Variants in SAMD4A observed in about 807,000 individuals in gnomAD.
SAMD4A encodes the protein sterile alpha motif domain containing 4A, also known as protein Smaug homolog 1.
SAMD4A carries 33 observed loss-of-function variants against 81.3 expected under a neutral mutation model. The ratio of observed to expected loss-of-function variants is 0.41; its 90% CI spans 0.31 to 0.54. SAMD4A has a LOEUF of 0.54. Among genes scored for constraint, SAMD4A ranks in the 20% least tolerant of loss-of-function variants. SAMD4A has a pLI of 0.37. For missense variants in SAMD4A, 854 were observed against 951.1 expected (o/e 0.90, Z 1.34); for synonymous variants, 389 against 382.1 (o/e 1.02, Z -0.21).
rs1022371961 is a variant in SAMD4A, at chr14:54,737,268, A to G, written c.960A>G (p.Glu320=). ...DQTTARNTFQ[E]EGSGMKDVPA... ...CCACTGCTCGTAACACATTCCAAGA[A>G]GAAGGTAGTGGGATGAAAGGTGAGT... Residue 320 remains glutamate (E), a synonymous_variant, in exon 4 of 13, where the codon GAA becomes GAG. Transcript: ENST00000554335. 8 of 1,614,050 alleles carry G rather than the reference A, an allele frequency of 5.0e-6. No individual in the cohort carries two copies. The African/African-American group carries it at 8.0e-5, about 16-fold the overall frequency.
chr14:54,775,211 C>G, intron 10 of SAMD4A, 76 bp downstream of exon 10: 2 of 1,567,598 alleles, frequency 1.3e-6, no homozygotes, highest in Non-Finnish European at 1.8e-6. Flanking sequence ...CCAGGTGACC[C>G]CAGGGTGGGG....
intron 2 of SAMD4A, chr14:54,692,913 T>C (rs552780301): frequency 1.4e-5 from 2 of 143,164 alleles, no homozygotes; most frequent in African/African-American, 5.0e-5. Context: ...ATAACAGTCT[T>C]AACCCTGTTG....
chr14:54,771,897 G>T (rs550429477), intron 9 of SAMD4A, among the ~76,000 whole-genome samples: 1 of 152,196 alleles, frequency 6.6e-6, no homozygotes, highest in Admixed American at 6.5e-5. Flanking sequence ...CAGGGGACAT[G>T]AACCTTGACC....
At chr14:54,756,078 C>T (rs1328361938) in intron 6 of SAMD4A, among the ~76,000 whole-genome samples, 4 of 152,162 alleles carry the variant, frequency 2.6e-5, no homozygotes, top group Non-Finnish European at 5.9e-5. Context: ...CCATCAAGTG[C>T]TGCAGAGAAA....
chr14:54,700,229 C>A (rs997944967), intron 2 of SAMD4A, among the ~76,000 whole-genome samples: 1 of 152,092 alleles, frequency 6.6e-6, no homozygotes, highest in African/African-American at 2.4e-5. Context: ...TTATTTAATC[C>A]CACAGCACAT....
intron 3 of SAMD4A, among the ~76,000 whole-genome samples, chr14:54,714,268 G>A (rs758414074): frequency 6.6e-6 from 1 of 152,088 alleles, no homozygotes; most frequent in Non-Finnish European, 1.5e-5. Context: ...TCAGAGCATA[G>A]ACTCTCTAGA....
chr14:54,685,839 G>A (rs747747165), intron 2 of SAMD4A: 1 of 456,602 alleles, frequency 2.2e-6, no homozygotes, highest in Non-Finnish European at 4.4e-6. Flanking sequence ...GTAACATCTG[G>A]AGAAAAAGGA....
intron 2 of SAMD4A, among the ~76,000 whole-genome samples, chr14:54,696,562 G>T (rs986836867): frequency 2.3e-4 from 35 of 152,156 alleles, no homozygotes; most frequent in Non-Finnish European, 4.3e-4. Context: ...GAAAACAAGG[G>T]TATAATAAAA....
At chr14:54,674,735 G>A (rs2035954230) in intron 2 of SAMD4A, among the ~76,000 whole-genome samples, 1 of 152,160 alleles carries the variant, frequency 6.6e-6, no homozygotes, top group Non-Finnish European at 1.5e-5. Context: ...ACTCAAATAA[G>A]TGGGCTAGGG....
At position 54,685,330 on chromosome 14, in the gene SAMD4A, C is replaced by G. The variant is rs76389804; in HGVS notation, c.197-16732C>G. ...TCTGCTTTCTGACTACTCAAGAGAC[C>G]TCATACAAGTGGAGTCATACAGCAT... On this transcript the variant is annotated intron_variant, in intron 2 of 12. Coordinates refer to ENST00000554335, the MANE Select transcript of SAMD4A (RefSeq NM_015589.6). Among the ~76,000 whole-genome samples, 1,091 of 150,324 alleles carry G rather than the reference C, an allele frequency of 7.3e-3. 10 individuals are homozygous for G. Among genetic ancestry groups the G allele is most frequent in the African/African-American group, 0.026 (1,058 of 40,960 alleles).
intron 2 of SAMD4A, among the ~76,000 whole-genome samples, chr14:54,570,646 T>C (rs1233581964): frequency 6.6e-6 from 1 of 152,214 alleles, no homozygotes; most frequent in Non-Finnish European, 1.5e-5. Context: ...AACCCTCAAT[T>C]GACCTTGTAG....
At chr14:54,760,826 A>C (rs1254432905) in intron 7 of SAMD4A, among the ~76,000 whole-genome samples, 28 of 152,168 alleles carry the variant, frequency 1.8e-4, no homozygotes, top group Admixed American at 1.8e-3. Context: ...GAAAAAGATG[A>C]TTTTGGGAAC....
At chr14:54,631,000 C>T (rs1338754128) in intron 2 of SAMD4A, among the ~76,000 whole-genome samples, 1 of 149,716 alleles carries the variant, frequency 6.7e-6, no homozygotes, top group East Asian at 2.0e-4. Flanking sequence ...ACAAGAGCTG[C>T]AGGCAGAGCC....
At chr14:54,726,305 T>G (rs1472663739) in intron 3 of SAMD4A, among the ~76,000 whole-genome samples, 1 of 152,044 alleles carries the variant, frequency 6.6e-6, no homozygotes, top group Non-Finnish European at 1.5e-5. Flanking sequence ...TGGGGAGTCT[T>G]TAGGAATTCC....
intron 2 of SAMD4A, among the ~76,000 whole-genome samples, chr14:54,600,796 A>G (rs2034033056): frequency 6.6e-6 from 1 of 152,142 alleles, no homozygotes; most frequent in Non-Finnish European, 1.5e-5. Flanking sequence ...TTCACCAACA[A>G]CCTTAATCCT....
chr14:54,615,771 G>A (rs753319500), intron 2 of SAMD4A, among the ~76,000 whole-genome samples: 3 of 127,024 alleles, frequency 2.4e-5, no homozygotes, highest in Admixed American at 8.1e-5. Flanking sequence ...GAAATAGATG[G>A]TATTACTAAT....
intron 2 of SAMD4A, among the ~76,000 whole-genome samples, chr14:54,637,590 C>T (rs17832215): frequency 0.11 from 16,283 of 152,070 alleles, 973 homozygotes; most frequent in South Asian, 0.18. Context: ...GGAGTCCGCA[C>T]CATGTGTCAG....
chr14:54,776,802 A>G (rs1397550024), intron 11 of SAMD4A, among the ~76,000 whole-genome samples: 1 of 152,168 alleles, frequency 6.6e-6, no homozygotes, highest in African/African-American at 2.4e-5. Context: ...TGATTAAACC[A>G]GAGATAGCAC....
intron 10 of SAMD4A, 47 bp from the exon 11 acceptor site, chr14:54,776,367 C>G (rs746694287): frequency 2.1e-5 from 33 of 1,559,330 alleles, no homozygotes; most frequent in Non-Finnish European, 2.5e-5. Context: ...TGCTCTCCAC[C>G]CCAGTGGGGC....
Sources: gnomAD v4.1 joint callset for allele counts (sites outside exome capture counted in the v4.1 genomes callset) on GRCh38, gnomAD v4.1.1 for gene constraint, MANE v1.5 for transcripts, NCBI Gene and HGNC (gene_info 2026-07-23, HGNC 2026-07-21) for gene names.